DOCK11: variants seen among roughly 807,000 people sequenced by gnomAD.
The protein encoded by DOCK11 is dedicator of cytokinesis 11, also known as dedicator of cytokinesis protein 11.
Under a neutral mutation model 169.1 loss-of-function variants are expected in DOCK11, and 70 were observed. The ratio of observed to expected loss-of-function variants is 0.41; its 90% CI spans 0.34 to 0.51. DOCK11 has a LOEUF of 0.51. Ranked by LOEUF, DOCK11 falls within the 20% of genes least tolerant of loss-of-function variation. DOCK11 has a pLI of 0.10. For missense variants in DOCK11, 1,166 were observed against 1,538.8 expected (o/e 0.76, Z 4.05); for synonymous variants, 529 against 541.3 (o/e 0.98, Z 0.32).
chrX:118,586,432 C>T (rs939549086), intron 16 of DOCK11, among the ~76,000 whole-genome samples: 2 of 110,851 alleles, frequency 1.8e-5, no homozygotes, highest in Admixed American at 9.6e-5. Context: ...CTTCCAAACA[C>T]TTATAAAACC....
Position 118,623,149 on chromosome X carries a change from C to A in DOCK11, c.3472-1390C>A, listed in dbSNP as rs1412430888. Among the ~76,000 whole-genome samples the A allele has an allele frequency of 2.7e-5, 3 of 111,307 alleles. No individual in the cohort carries two copies. In the Admixed American group the frequency reaches 2.9e-4, roughly 11 times the overall value. On this transcript the variant is annotated intron_variant, in intron 31 of 52. Coordinates refer to ENST00000276202, the MANE Select transcript of DOCK11 (RefSeq NM_144658.4). The stretch of plus-strand genomic sequence containing the variant: ...AGGAGAATCTCTCGAACCCAGGAGG[C>A]AGAGATTGCAGTGAGCTGAGATTGT...
chrX:118,580,099 G>A lies in DOCK11; in HGVS notation c.1515G>A (p.Thr505=), dbSNP rs183428319. ...PYIKNSDPVK[T]AQKVHRTAKQ... Reference sequence around the variant, plus strand: ...TATCTTCTTGTTTCTGACCTTAGACGGCCCAGAAGGTGCACAGGACAGCTA... The same window carrying A: ...TATCTTCTTGTTTCTGACCTTAGACAGCCCAGAAGGTGCACAGGACAGCTA... The change falls in exon 14 of 53, where the codon ACG becomes ACA. Residue 505 remains threonine (T), a splice_region_variant and synonymous_variant. Coordinates refer to ENST00000276202, the MANE Select transcript of DOCK11 (RefSeq NM_144658.4). The A allele has an allele frequency of 2.7e-5, 33 of 1,204,857 alleles. No individual in the cohort carries two copies. Among genetic ancestry groups the A allele is most frequent in the South Asian group, 7.1e-5 (4 of 55,996 alleles).
intron 10 of DOCK11, among the ~76,000 whole-genome samples, chrX:118,570,790 C>G (rs1220583103): frequency 9.0e-6 from 1 of 111,498 alleles, no homozygotes; most frequent in Non-Finnish European, 1.9e-5. Context: ...TAAATTGTCC[C>G]CACAATCCAC....
At chrX:118,647,041 A>AG (rs1446898894) in intron 40 of DOCK11, among the ~76,000 whole-genome samples, 3 of 110,526 alleles carry the variant, frequency 2.7e-5, no homozygotes, top group African/African-American at 9.9e-5. Context: ...ACATTCTTAA[A>AG]GGAACAGGCC....
intron 44 of DOCK11, among the ~76,000 whole-genome samples, chrX:118,660,669 A>G (rs1355214373): frequency 4.7e-5 from 5 of 107,356 alleles, no homozygotes; most frequent in Admixed American, 2.0e-4. Context: ...ATGGGGTTTC[A>G]CCCTGTTAGC....
intron 15 of DOCK11, 64 bp from the exon 16 acceptor site, chrX:118,584,977 G>A: frequency 8.7e-7 from 1 of 1,143,808 alleles, no homozygotes; most frequent in Non-Finnish European, 1.2e-6. Flanking sequence ...AGTTTGGATA[G>A]AGGGTAACCA....
intron 35 of DOCK11, chrX:118,632,916 T>C (rs1323629620): frequency 2.1e-5 from 2 of 93,899 alleles, no homozygotes; most frequent in African/African-American, 4.0e-5. Context: ...GACTGTTCTG[T>C]TGGAAAAGTA....
chrX:118,600,553 T>C (rs758623509), intron 23 of DOCK11, among the ~76,000 whole-genome samples: 3 of 111,004 alleles, frequency 2.7e-5, no homozygotes, highest in Non-Finnish European at 5.7e-5. Context: ...ACAAATAATA[T>C]CCCTATTGTC....
intron 1 of DOCK11, among the ~76,000 whole-genome samples, chrX:118,540,503 C>T (rs2011950581): frequency 9.0e-6 from 1 of 111,591 alleles, no homozygotes; most frequent in Non-Finnish European, 1.9e-5. Context: ...GTAGTATTTG[C>T]AGACATGAGA....
intron 1 of DOCK11, among the ~76,000 whole-genome samples, chrX:118,525,522 G>A (rs1031405716): frequency 9.0e-6 from 1 of 111,314 alleles, no homozygotes; most frequent in African/African-American, 3.3e-5. Flanking sequence ...GGGATGGGCG[G>A]GGGCGGTGTG....
At chrX:118,673,980 G>A (rs891900045) in intron 46 of DOCK11, among the ~76,000 whole-genome samples, 4 of 111,874 alleles carry the variant, frequency 3.6e-5, no homozygotes, top group African/African-American at 1.3e-4. Context: ...CAGTGGAAAT[G>A]CTCATTGGAA....
intron 46 of DOCK11, among the ~76,000 whole-genome samples, chrX:118,672,926 G>T (rs1207609160): frequency 8.9e-6 from 1 of 111,902 alleles, no homozygotes; most frequent in Non-Finnish European, 1.9e-5. Context: ...TGTATATGGG[G>T]CATGCCTGAA....
chrX:118,580,549 T>G (rs2013595598), intron 14 of DOCK11, among the ~76,000 whole-genome samples: 1 of 111,965 alleles, frequency 8.9e-6, no homozygotes, highest in Admixed American at 9.4e-5. Context: ...ATTCCTGACC[T>G]CAGGCGATCC....
At position 118,543,590 on chromosome X, in the gene DOCK11, C is replaced by T; in HGVS notation, c.389C>T (p.Pro130Leu). ...TTCTCTGGGGACTTTCGAATGTTGC[C>T]ATGGTAAGTTTAGCATTCCAGGGAA... ...EDFSGDFRML[P>L]CKSLRPEKIP... is the part of the protein sequence containing the mutation. Residue 130 changes from proline (P) to leucine (L), a missense_variant, in exon 4 of 53, where the codon CCA (proline) becomes CTA (leucine). Pro to Leu is a moderately conservative substitution (Grantham distance 98). Transcript: ENST00000276202. The T allele has an allele frequency of 8.3e-7, 1 of 1,201,112 alleles. No homozygotes were observed. Among genetic ancestry groups the T allele is most frequent in the Non-Finnish European group, 1.1e-6 (1 of 886,035 alleles).
At chrX:118,548,351 A>C (rs981379155) in intron 6 of DOCK11, among the ~76,000 whole-genome samples, 2 of 112,170 alleles carry the variant, frequency 1.8e-5, no homozygotes, top group African/African-American at 3.2e-5. Flanking sequence ...GGAGGAATTG[A>C]TGGCCTCTCA....
At chrX:118,643,696 ATGAAGCCAT>A (rs769568388) in intron 40 of DOCK11, 102 bp downstream of exon 40, 62 of 951,287 alleles carry the variant, frequency 6.5e-5, no homozygotes, top group Non-Finnish European at 7.6e-5. Flanking sequence ...ATGCCAGCTC[ATGAAGCCAT>A]TAAGTACTGC....
chrX:118,528,203 C>A lies in DOCK11; in HGVS notation c.103-14522C>A, dbSNP rs2011422019. Among the ~76,000 whole-genome samples, 3 of 112,183 alleles carry A rather than the reference C, an allele frequency of 2.7e-5. No individual in the cohort carries two copies. In the South Asian group the frequency reaches 1.1e-3, roughly 41 times the overall value. The stretch of plus-strand genomic sequence containing the variant: ...GGAAGTCAAAACCTTGAGGGGCAGG[C>A]CTGAGAGCCCAGTTGATCCCAGGGC... On this transcript the variant is annotated intron_variant, in intron 1 of 52. Transcript: ENST00000276202.
intron 32 of DOCK11, among the ~76,000 whole-genome samples, chrX:118,625,941 G>A (rs972473408): frequency 1.8e-5 from 2 of 110,910 alleles, no homozygotes; most frequent in Non-Finnish European, 3.8e-5. Flanking sequence ...TCTTACTTTT[G>A]TCTTCTAGAG....
intron 14 of DOCK11, among the ~76,000 whole-genome samples, chrX:118,582,362 C>T: frequency 8.9e-6 from 1 of 111,908 alleles, no homozygotes; most frequent in Non-Finnish European, 1.9e-5. Context: ...CTCTAGACCA[C>T]TGTGGCATAC....
Sources: allele counts gnomAD v4.1 joint callset (sites outside exome capture counted in the v4.1 genomes callset), GRCh38; gene constraint gnomAD v4.1.1; transcripts MANE v1.5; gene names NCBI Gene and HGNC (gene_info 2026-07-23, HGNC 2026-07-21).